The following CSMD1 variants were observed in gnomAD, a reference collection of about 807,000 sequenced individuals.
The protein encoded by CSMD1 is CUB and sushi domain-containing protein 1.
A neutral mutation model predicts 417.5 loss-of-function variants in CSMD1; 213 were observed. That is an observed-to-expected ratio of 0.51 (90% confidence interval 0.46 to 0.57). CSMD1 has a LOEUF of 0.57. CSMD1 is among the 20% of genes least tolerant of loss of function. CSMD1 has a pLI of 0.00. For missense variants in CSMD1, 6,923 were observed against 4,529.7 expected, an observed-to-expected ratio of 1.53 and a Z score of -15.17; for synonymous variants, 2,862 against 1,736.8, an observed-to-expected ratio of 1.65 and a Z score of -16.11.
intron 11 of CSMD1, among the ~76,000 whole-genome samples, chr8:3,485,828 A>T (rs1045756409): frequency 6.6e-6 from 1 of 150,920 alleles, no homozygotes; most frequent in Admixed American, 6.6e-5. Context: ...AAAATAAAAT[A>T]AAATAAAACA....
At chr8:4,683,440 T>C (rs899219737) in intron 1 of CSMD1, among the ~76,000 whole-genome samples, 1 of 152,140 alleles carries the variant, frequency 6.6e-6, no homozygotes. Context: ...AAGGACACAC[T>C]TGATTAAGGG....
At chr8:4,493,649 C>T (rs1052145259) in intron 2 of CSMD1, among the ~76,000 whole-genome samples, 10 of 152,028 alleles carry the variant, frequency 6.6e-5, no homozygotes, top group South Asian at 2.1e-4. Context: ...GAGCTATGAG[C>T]GTGCCAATGT....
intron 5 of CSMD1, among the ~76,000 whole-genome samples, chr8:3,800,013 A>G (rs529849684): frequency 6.6e-6 from 1 of 152,302 alleles, no homozygotes; most frequent in East Asian, 1.9e-4. Flanking sequence ...AACCTTGTAA[A>G]ATCACTTGAC....
intron 3 of CSMD1, among the ~76,000 whole-genome samples, chr8:4,125,067 C>G (rs577324794): frequency 6.6e-6 from 1 of 152,262 alleles, no homozygotes; most frequent in East Asian, 1.9e-4. Flanking sequence ...ACACTCGCCG[C>G]TGCAGTCCAC....
Position 3,369,293 on chromosome 8 carries a change from G to A in CSMD1, c.2860C>T (p.Leu954=). The A allele has an allele frequency of 6.2e-7, 1 of 1,604,434 alleles. No individual in the cohort carries two copies. The highest frequency in any genetic ancestry group is 8.5e-7 in the Non-Finnish European group (1 of 1,171,754). The change falls in exon 19 of 70, where the codon CTA becomes TTA. Residue 954 remains leucine (L), a synonymous_variant. Coordinates refer to ENST00000635120, the MANE Select transcript of CSMD1 (RefSeq NM_033225.6). Reference sequence around the variant, plus strand: ...ACTTCAATGGTCCACGTGCAGTTTAGAGAGTTTGGATAAAAATCTGGAAAC... The same window carrying A: ...ACTTCAATGGTCCACGTGCAGTTTAAAGAGTTTGGATAAAAATCTGGAAAC... ...PGFPDFYPNS[L]NCTWTIEVSH...
In CSMD1 at chr8:3,052,556, A is replaced by G. The variant is rs1414166348; in HGVS notation, c.7566T>C (p.His2522=). The change falls in exon 50 of 70, where the codon CAT becomes CAC. Residue 2522 remains histidine, a synonymous_variant. Transcript: ENST00000635120. ...GGCTGGATTCAAGCTTGAAGCCCTCATGACATTCATAGACCACTTTACTGT... is the reference window on the plus strand; with the variant it reads ...GGCTGGATTCAAGCTTGAAGCCCTCGTGACATTCATAGACCACTTTACTGT... ...TLDSKVVYEC[H]EGFKLESSQQ... 1.2e-6 allele frequency: 2 copies of G among 1,610,058 alleles called. No individual in the cohort carries two copies. Among genetic ancestry groups the G allele is most frequent in the East Asian group, 2.2e-5 (1 of 44,788 alleles).
At chr8:3,915,886 A>G (rs1332102064) in intron 5 of CSMD1, among the ~76,000 whole-genome samples, 1 of 150,332 alleles carries the variant, frequency 6.7e-6, no homozygotes, top group South Asian at 2.1e-4. Context: ...ATAACAAGGA[A>G]ATTAAAATCA....
chr8:4,410,780 A>G (rs544292963), intron 3 of CSMD1, among the ~76,000 whole-genome samples: 1 of 152,170 alleles, frequency 6.6e-6, no homozygotes, highest in East Asian at 1.9e-4. Context: ...ATAACAACTC[A>G]TGAGTTGAGA....
At chr8:4,752,701 G>C (rs1297302228) in intron 1 of CSMD1, among the ~76,000 whole-genome samples, 1 of 152,156 alleles carries the variant, frequency 6.6e-6, no homozygotes, top group Non-Finnish European at 1.5e-5. Context: ...TCTACACAGG[G>C]GTGGTTTACC....
intron 5 of CSMD1, among the ~76,000 whole-genome samples, chr8:3,952,233 G>A (rs1471623235): frequency 6.6e-6 from 1 of 152,074 alleles, no homozygotes; most frequent in Non-Finnish European, 1.5e-5. Context: ...GATTAAGATG[G>A]TATGGGCCTT....
At chr8:4,037,117 G>C (rs77819775) in intron 3 of CSMD1, among the ~76,000 whole-genome samples, 29,891 of 152,140 alleles carry the variant, frequency 0.2, 3,202 homozygotes, top group South Asian at 0.29. Context: ...TATTTTACTT[G>C]TTTTTATTAA....
chr8:4,609,141 T>C (rs1801037499), intron 2 of CSMD1, among the ~76,000 whole-genome samples: 1 of 152,174 alleles, frequency 6.6e-6, no homozygotes, highest in Admixed American at 6.5e-5. Flanking sequence ...GGCTCATGCA[T>C]GTAATCCCAG....
chr8:4,948,378 A>C (rs1281253370), intron 1 of CSMD1, among the ~76,000 whole-genome samples: 1 of 151,980 alleles, frequency 6.6e-6, no homozygotes, highest in Non-Finnish European at 1.5e-5. Flanking sequence ...AATTGTTTAT[A>C]TATTCTGTAC....
chr8:3,946,364 G>A (rs1297543066), intron 5 of CSMD1, among the ~76,000 whole-genome samples: 1 of 152,070 alleles, frequency 6.6e-6, no homozygotes, highest in African/African-American at 2.4e-5. Flanking sequence ...TATCACGTAT[G>A]TGCTGGCCTG....
chr8:3,824,531 A>T (rs751285427), intron 5 of CSMD1, among the ~76,000 whole-genome samples: 1 of 152,214 alleles, frequency 6.6e-6, no homozygotes, highest in African/African-American at 2.4e-5. Context: ...AAGCGTGATG[A>T]GTCTGAATTA....
intron 3 of CSMD1, among the ~76,000 whole-genome samples, chr8:4,314,825 G>T (rs112577644): frequency 6.6e-6 from 1 of 152,180 alleles, no homozygotes; most frequent in Non-Finnish European, 1.5e-5. Flanking sequence ...AAGGGCAAAG[G>T]ATTTTGTAAG....
intron 3 of CSMD1, among the ~76,000 whole-genome samples, chr8:4,285,710 A>G (rs1433526057): frequency 6.6e-6 from 1 of 152,186 alleles, no homozygotes; most frequent in African/African-American, 2.4e-5. Context: ...CTAGTAAAAC[A>G]GTCAGGGCCA....
chr8:4,046,780 A>T (rs3849819), intron 3 of CSMD1, among the ~76,000 whole-genome samples: 54,151 of 152,032 alleles, frequency 0.36, 11,058 homozygotes, highest in East Asian at 0.67. Flanking sequence ...TAATTAATGC[A>T]CAGCCTGGGG....
chr8:3,463,591 T>A (rs956935058), intron 12 of CSMD1, among the ~76,000 whole-genome samples: 8 of 152,228 alleles, frequency 5.3e-5, no homozygotes, highest in Admixed American at 1.3e-4. Flanking sequence ...GACAGGGGCA[T>A]GAGCTCACTT....
Sources: allele counts gnomAD v4.1 joint callset (sites outside exome capture counted in the v4.1 genomes callset), GRCh38; gene constraint gnomAD v4.1.1; transcripts MANE v1.5; gene names NCBI Gene and HGNC (gene_info 2026-07-23, HGNC 2026-07-21).